ATP8B1: variants seen among roughly 807,000 people sequenced by gnomAD.
ATP8B1 encodes the protein phospholipid-transporting ATPase IC.
A neutral mutation model predicts 149.9 loss-of-function variants in ATP8B1; 80 were observed. The observed-to-expected ratio is 0.53, with a 90% CI of 0.45 to 0.64. The LOEUF (loss-of-function observed/expected upper bound fraction) is 0.64, where lower values mean the gene tolerates loss of function less well. Ranked by LOEUF, ATP8B1 falls within the 30% of genes least tolerant of loss-of-function variation. The probability of loss-of-function intolerance (pLI) is 0.00; values close to 1 mark genes in which losing one functional copy is unlikely to be tolerated. For synonymous variants in ATP8B1, 536 were observed against 562.8 expected, an observed-to-expected ratio of 0.95 and a Z score of 0.67; for missense variants, 1,247 against 1,552.6, an observed-to-expected ratio of 0.80 and a Z score of 3.31.
intron 1 of ATP8B1, among the ~76,000 whole-genome samples, chr18:57,783,103 G>A (rs977655992): frequency 7.9e-5 from 12 of 152,122 alleles, no homozygotes; most frequent in Non-Finnish European, 1.8e-4. Context: ...GTGAGCCACG[G>A]TGCCCGGCCT....
chr18:57,707,039 G>C (rs1282753469), intron 2 of ATP8B1, among the ~76,000 whole-genome samples: 1 of 152,214 alleles, frequency 6.6e-6, no homozygotes, highest in Non-Finnish European at 1.5e-5. Flanking sequence ...GGGCGCGGTG[G>C]CTCACGCCTG....
rs866171546 is a variant in ATP8B1 at position 57,794,460 on chromosome 18, C to T, written c.-26+8538G>A. Among the ~76,000 whole-genome samples, 318 of 90,120 alleles carry T rather than the reference C, an allele frequency of 3.5e-3. 6 individuals carry two copies. Among genetic ancestry groups the T allele is most frequent in the African/African-American group, 0.016 (303 of 19,070 alleles). The allele number at this position is 90,120 out of a possible 152,430, so 59.1% of individuals were successfully genotyped here. A position where few individuals can be genotyped will look rare whatever the true frequency, so the allele number is the denominator to read the frequency against. Reference sequence around the variant, plus strand: ...TACCCTAAGGGGAAAAACAACCTGACATTAAAAAAAAAAAAAAAAAAAAAA... The same window carrying T: ...TACCCTAAGGGGAAAAACAACCTGATATTAAAAAAAAAAAAAAAAAAAAAA... On this transcript the variant is annotated intron_variant, in intron 1 of 27. Transcript: ENST00000648908.
intron 2 of ATP8B1, among the ~76,000 whole-genome samples, chr18:57,706,793 T>TAA (rs1463394944): frequency 6.6e-6 from 1 of 152,118 alleles, no homozygotes; most frequent in Non-Finnish European, 1.5e-5. Flanking sequence ...CTGATACCTT[T>TAA]ACAAAAAGGG....
At chr18:57,691,746 A>T in intron 12 of ATP8B1, 61 bp downstream of exon 12, 2 of 1,575,250 alleles carry the variant, frequency 1.3e-6, no homozygotes, top group Non-Finnish European at 1.7e-6. Flanking sequence ...TGAAGGCACT[A>T]TGTTGGGAGA....
Position 57,648,360 on chromosome 18 carries a change from T to C in ATP8B1, c.*128A>G. ...ATAGTCCAACCCAAGGAGTTTGTTA[T>C]AAAGATTATTTATTGTCTTCAATAT... On this transcript the variant is annotated 3_prime_UTR_variant, in exon 28 of 28. Coordinates refer to ENST00000648908, the MANE Select transcript of ATP8B1 (RefSeq NM_001374385.1). The C allele has an allele frequency of 3.6e-6, 4 of 1,117,368 alleles. No homozygotes were observed. Among genetic ancestry groups the C allele is most frequent in the Non-Finnish European group, 5.3e-6 (4 of 755,818 alleles). 69.2% of individuals were successfully genotyped at this position (1,117,368 alleles called of 1,614,324 possible).
intron 3 of ATP8B1, 96 bp downstream of exon 3, chr18:57,706,394 A>ACGT: frequency 1.1e-6 from 1 of 922,702 alleles, no homozygotes; most frequent in South Asian, 1.4e-5. Context: ...GCAGGTGGTT[A>ACGT]CGTGGAAGGC....
In ATP8B1 at chr18:57,695,277, T is replaced by C. The variant is rs1166870884; in HGVS notation, c.834A>G (p.Thr278=). The change falls in exon 10 of 28, where the codon ACA becomes ACG. Residue 278 remains threonine (T), a synonymous_variant. Coordinates refer to ENST00000648908, the MANE Select transcript of ATP8B1 (RefSeq NM_001374385.1). ...PNNRLDKFTG[T]LFWRNTSFPL... Reference sequence around the variant, plus strand: ...GAAAACTTGTGTTTCTCCAAAATAGTGTTCCTGTAAACTTATCTAGTCTGT... The same window carrying C: ...GAAAACTTGTGTTTCTCCAAAATAGCGTTCCTGTAAACTTATCTAGTCTGT... The C allele has an allele frequency of 3.1e-6, 5 of 1,613,004 alleles. No homozygotes were observed. The South Asian group carries it at 4.4e-5, about 14-fold the overall frequency.
intron 1 of ATP8B1, among the ~76,000 whole-genome samples, chr18:57,752,916 G>A (rs1340479100): frequency 1.3e-5 from 2 of 152,156 alleles, no homozygotes; most frequent in African/African-American, 2.4e-5. Flanking sequence ...CTGTATCCAG[G>A]TTCTCAGAAA....
At chr18:57,757,041 A>G (rs1009231924) in intron 1 of ATP8B1, among the ~76,000 whole-genome samples, 2 of 152,192 alleles carry the variant, frequency 1.3e-5, no homozygotes, top group Non-Finnish European at 2.9e-5. Flanking sequence ...GGATGATTTC[A>G]CAGCACCCAT....
chr18:57,695,229 C>T lies in ATP8B1; in HGVS notation c.882G>A (p.Leu294=). 6.2e-7 allele frequency: 1 copy of T among 1,614,054 alleles called. No individual in the cohort carries two copies. The highest frequency in any genetic ancestry group is 8.5e-7 in the Non-Finnish European group (1 of 1,180,002). Residue 294 remains leucine (L), a synonymous_variant, in exon 10 of 28, where the codon TTG becomes TTA. Coordinates refer to ENST00000648908, the MANE Select transcript of ATP8B1 (RefSeq NM_001374385.1). ...TSFPLDADKI[L]LRGCVIRNTD... ...TGTTCCTAATTACACAGCCACGTAA[C>T]AAAATTTTATCAGCATCCAAAGGAA...
chr18:57,666,676 C>G (rs1177486893), intron 20 of ATP8B1, among the ~76,000 whole-genome samples: 2 of 151,946 alleles, frequency 1.3e-5, no homozygotes, highest in African/African-American at 4.8e-5. Flanking sequence ...GCTGAGATAA[C>G]AGGCACCGGG....
At chr18:57,716,720 A>G (rs879793001) in intron 2 of ATP8B1, among the ~76,000 whole-genome samples, 12 of 152,248 alleles carry the variant, frequency 7.9e-5, no homozygotes, top group Non-Finnish European at 1.6e-4. Context: ...GATAGACCCC[A>G]GTAAAATAAT....
chr18:57,762,839 T>G (rs2080170315), intron 1 of ATP8B1, among the ~76,000 whole-genome samples: 1 of 152,214 alleles, frequency 6.6e-6, no homozygotes, highest in South Asian at 2.1e-4. Flanking sequence ...TGAAGCAATG[T>G]GCTTCCCAAA....
chr18:57,664,085 T>TAAA, intron 20 of ATP8B1, among the ~76,000 whole-genome samples: 2 of 134,398 alleles, frequency 1.5e-5, no homozygotes, highest in African/African-American at 5.5e-5. Context: ...TTTTTTTTTT[T>TAAA]TTAACTGAGC....
At chr18:57,793,008 C>T (rs1254097732) in intron 1 of ATP8B1, among the ~76,000 whole-genome samples, 2 of 152,158 alleles carry the variant, frequency 1.3e-5, no homozygotes, top group Non-Finnish European at 2.9e-5. Context: ...TGTTCTTTCC[C>T]CCAAACTAGG....
Position 57,695,430 on chromosome 18 carries a change from A to G in ATP8B1, c.781+20T>C. 2.5e-6 allele frequency: 4 copies of G among 1,605,622 alleles called. No individual in the cohort carries two copies. The highest frequency in any genetic ancestry group is 1.7e-5 in the Admixed American group (1 of 60,004). Reference sequence around the variant, plus strand: ...AAGCAACTAAAATTTAAAGCAAAGTAAGACATGTTTGGTACAAACCATCAA... The same window carrying G: ...AAGCAACTAAAATTTAAAGCAAAGTGAGACATGTTTGGTACAAACCATCAA... On this transcript the variant is annotated intron_variant, in intron 9 of 27. Coordinates refer to ENST00000648908, the MANE Select transcript of ATP8B1 (RefSeq NM_001374385.1).
chr18:57,694,529 G>T, intron 11 of ATP8B1, 53 bp downstream of exon 11: 1 of 1,213,936 alleles, frequency 8.2e-7, no homozygotes, highest in Non-Finnish European at 1.2e-6. Flanking sequence ...GATAATATTA[G>T]TGCAAAAGAC....
chr18:57,761,840 C>T (rs1011292537), intron 1 of ATP8B1, among the ~76,000 whole-genome samples: 2 of 148,806 alleles, frequency 1.3e-5, no homozygotes, highest in African/African-American at 5.0e-5. Flanking sequence ...GTCCAAGCTG[C>T]TCGGGAGGCT....
intron 18 of ATP8B1, 127 bp from the exon 19 acceptor site, chr18:57,668,667 G>C (rs1427045460): frequency 4.7e-6 from 3 of 639,998 alleles, no homozygotes; most frequent in Non-Finnish European, 8.1e-6. Context: ...CTCTCCTGGG[G>C]CCAATGGCCA....
Sources: allele counts gnomAD v4.1 joint callset (sites outside exome capture counted in the v4.1 genomes callset), GRCh38; gene constraint gnomAD v4.1.1; transcripts MANE v1.5; gene names NCBI Gene and HGNC (gene_info 2026-07-23, HGNC 2026-07-21).